The following WWOX variants were observed in gnomAD, a reference collection of about 807,000 sequenced individuals.
WWOX encodes the protein WW domain containing oxidoreductase.
Under a neutral mutation model 46.2 loss-of-function variants are expected in WWOX, and 69 were observed. That is an observed-to-expected ratio of 1.49 (90% CI 1.23 to 1.82). WWOX has a LOEUF of 1.82. WWOX is among the 40% of genes most tolerant of loss of function. The pLI, the probability that WWOX is intolerant of heterozygous loss-of-function variation, is 0.00. For synonymous variants in WWOX, 359 were observed against 202.6 expected (o/e 1.77, Z -6.56); for missense variants, 919 against 542.6 (o/e 1.69, Z -6.89).
chr16:79,129,752 A>C (rs2049837352), intron 8 of WWOX, among the ~76,000 whole-genome samples: 1 of 152,168 alleles, frequency 6.6e-6, no homozygotes, highest in Non-Finnish European at 1.5e-5. Context: ...TATTCAATCC[A>C]TGCATTGAAT....
At chr16:78,867,840 C>A (rs967448025) in intron 8 of WWOX, among the ~76,000 whole-genome samples, 2 of 152,144 alleles carry the variant, frequency 1.3e-5, no homozygotes, top group African/African-American at 4.8e-5. Flanking sequence ...TAGCCCCAGA[C>A]CATGACATGC....
intron 8 of WWOX, among the ~76,000 whole-genome samples, chr16:78,804,600 G>A (rs912622611): frequency 6.6e-6 from 1 of 152,178 alleles, no homozygotes; most frequent in African/African-American, 2.4e-5. Context: ...GGTCTTACAC[G>A]TAGCTCAAAA....
At chr16:78,322,717 C>T (rs1053633333) in intron 5 of WWOX, among the ~76,000 whole-genome samples, 10 of 152,200 alleles carry the variant, frequency 6.6e-5, no homozygotes, top group Admixed American at 5.2e-4. Flanking sequence ...GGCAGGCAAA[C>T]ATTTTCTGTA....
chr16:78,540,694 G>GT (rs1198795574), intron 8 of WWOX, among the ~76,000 whole-genome samples: 1 of 148,576 alleles, frequency 6.7e-6, no homozygotes, highest in Non-Finnish European at 1.5e-5. Flanking sequence ...TGGATATTTT[G>GT]TTAAAAAAAA....
chr16:78,739,267 G>C (rs1305367574), intron 8 of WWOX, among the ~76,000 whole-genome samples: 4 of 152,168 alleles, frequency 2.6e-5, no homozygotes, highest in South Asian at 4.1e-4. Context: ...TTCATGGAAG[G>C]GTGCTTGTTC....
At chr16:78,923,389 G>C (rs780778257) in intron 8 of WWOX, among the ~76,000 whole-genome samples, 1 of 151,996 alleles carries the variant, frequency 6.6e-6, no homozygotes, top group South Asian at 2.1e-4. Flanking sequence ...TCTAAAAATA[G>C]AGCAGTCATT....
At chr16:78,907,207 C>T (rs1174017757) in intron 8 of WWOX, among the ~76,000 whole-genome samples, 1 of 152,020 alleles carries the variant, frequency 6.6e-6, no homozygotes, top group Admixed American at 6.6e-5. Context: ...GTGTAAAACC[C>T]TTGTGCCCTG....
chr16:78,712,232 G>A (rs1054123325), intron 8 of WWOX, among the ~76,000 whole-genome samples: 10 of 152,094 alleles, frequency 6.6e-5, no homozygotes, highest in South Asian at 4.2e-4. Context: ...GGCTGGGCGC[G>A]GTGGCTCACA....
intron 6 of WWOX, among the ~76,000 whole-genome samples, chr16:78,400,361 TC>T (rs1380642349): frequency 2.6e-5 from 4 of 152,072 alleles, no homozygotes; most frequent in African/African-American, 9.7e-5. Context: ...CCACCTCAGA[TC>T]TGAAAACTCC....
At chr16:79,138,702 C>T (rs1479492042) in intron 8 of WWOX, among the ~76,000 whole-genome samples, 1 of 152,216 alleles carries the variant, frequency 6.6e-6, no homozygotes, top group Non-Finnish European at 1.5e-5. Context: ...CTTGCTTGCA[C>T]ACACTTGTTT....
At chr16:78,163,637 G>T (rs937960094) in intron 4 of WWOX, among the ~76,000 whole-genome samples, 12 of 152,188 alleles carry the variant, frequency 7.9e-5, no homozygotes, top group Non-Finnish European at 2.9e-5. Context: ...AGATATGGGT[G>T]TGTATGCACG....
intron 8 of WWOX, among the ~76,000 whole-genome samples, chr16:79,163,915 A>G (rs1352304881): frequency 7.0e-6 from 1 of 142,356 alleles, no homozygotes; most frequent in Non-Finnish European, 1.5e-5. Flanking sequence ...ATCTGGCTGT[A>G]TCTGTCGAGT....
At chr16:78,744,096 G>T (rs1192908556) in intron 8 of WWOX, among the ~76,000 whole-genome samples, 1 of 152,180 alleles carries the variant, frequency 6.6e-6, no homozygotes, top group African/African-American at 2.4e-5. Flanking sequence ...GGTATGAAGA[G>T]TATTGGGGTA....
chr16:78,946,660 T>A (rs2045954399), intron 8 of WWOX, among the ~76,000 whole-genome samples: 1 of 152,178 alleles, frequency 6.6e-6, no homozygotes, highest in South Asian at 2.1e-4. Flanking sequence ...ATGGCATGTC[T>A]CCACTCTGCA....
At chr16:79,002,749 G>A (rs2047118951) in intron 8 of WWOX, among the ~76,000 whole-genome samples, 1 of 152,048 alleles carries the variant, frequency 6.6e-6, no homozygotes, top group Non-Finnish European at 1.5e-5. Flanking sequence ...TTTTCACCCG[G>A]GTTCTCCCTG....
intron 6 of WWOX, among the ~76,000 whole-genome samples, chr16:78,409,392 C>T (rs1204010681): frequency 6.6e-6 from 1 of 152,146 alleles, no homozygotes; most frequent in Admixed American, 6.5e-5. Context: ...CACCTAGCCC[C>T]TGGGAACCAT....
At chr16:78,286,431 T>G (rs555293797) in intron 5 of WWOX, among the ~76,000 whole-genome samples, 5 of 152,230 alleles carry the variant, frequency 3.3e-5, no homozygotes, top group Non-Finnish European at 7.3e-5. Flanking sequence ...GAAACAATCC[T>G]CTGATTTAAA....
chr16:78,702,044 T>TATATATATAA (rs1419045896), intron 8 of WWOX, among the ~76,000 whole-genome samples: 22 of 109,978 alleles, frequency 2.0e-4, no homozygotes, highest in African/African-American at 6.9e-4. Context: ...TATATATATA[T>TATATATATAA]AAAATAATGC....
chr16:78,940,639 G>T (rs996535001), intron 8 of WWOX, among the ~76,000 whole-genome samples: 1 of 150,718 alleles, frequency 6.6e-6, no homozygotes, highest in South Asian at 2.1e-4. Context: ...AAACAGGCAT[G>T]TGCACATATG....
Sources: gnomAD v4.1 joint callset for allele counts (sites outside exome capture counted in the v4.1 genomes callset) on GRCh38, gnomAD v4.1.1 for gene constraint, MANE v1.5 for transcripts, NCBI Gene and HGNC (gene_info 2026-07-23, HGNC 2026-07-21) for gene names.